The following GAK variants were observed in gnomAD, a reference collection of about 807,000 sequenced individuals.
GAK encodes the protein cyclin-G-associated kinase.
Under a neutral mutation model 143.9 loss-of-function variants are expected in GAK, and 79 were observed. The ratio of observed to expected loss-of-function variants is 0.55; its 90% CI spans 0.46 to 0.66. The LOEUF is 0.66. Ranked by LOEUF, GAK falls within the 30% of genes least tolerant of loss-of-function variation. GAK has a pLI of 0.00. For synonymous variants in GAK, 881 were observed against 765.5 expected (o/e 1.15, Z -2.49); for missense variants, 1,693 against 1,779.7 (o/e 0.95, Z 0.88).
rs1178263108 is a variant in GAK at position 882,548 on chromosome 4, CCA to C, written c.1527+147_1527+148del. ...CATCTGTCATCTGTCCCCTCCAGAC[CCA>C]AAGACACCAAGCACAGGGACTTTCT... On this transcript the variant is annotated intron_variant, in intron 14 of 27. Transcript: ENST00000314167. 17 of 1,046,150 alleles carry C rather than the reference CCA, an allele frequency of 1.6e-5. No individual in the cohort carries two copies. The African/African-American group carries it at 2.5e-4, about 16-fold the overall frequency. The allele number at this position is 1,046,150 out of a possible 1,614,324, so 64.8% of individuals were successfully genotyped here.
chr4:898,161 G>A lies in GAK; in HGVS notation c.526-3C>T, dbSNP rs757315438. 4 of 1,613,792 alleles carry A rather than the reference G, an allele frequency of 2.5e-6. No homozygotes were observed. Among genetic ancestry groups the A allele is most frequent in the East Asian group, 4.5e-5 (2 of 44,888 alleles). On this transcript the variant is annotated splice_polypyrimidine_tract_variant and splice_region_variant and intron_variant, in intron 5 of 27. Transcript: ENST00000314167. ...TTACTAAGCAACAAGTTCTCAACCT[G>A]TAAAATTCCACAAGACAGCCCCGTG...
intron 24 of GAK, among the ~76,000 whole-genome samples, chr4:859,029 T>A (rs931120860): frequency 1.4e-4 from 22 of 152,336 alleles, no homozygotes; most frequent in African/African-American, 4.3e-4. Context: ...CGACGCTTCT[T>A]CTGAGAAGCC....
chr4:857,243 G>T (rs945787840), intron 24 of GAK, among the ~76,000 whole-genome samples: 5 of 152,168 alleles, frequency 3.3e-5, no homozygotes, highest in African/African-American at 1.2e-4. Flanking sequence ...GAGGATCTGT[G>T]TGTATATTCA....
intron 4 of GAK, among the ~76,000 whole-genome samples, chr4:906,397 G>A (rs1413935671): frequency 6.6e-6 from 1 of 152,200 alleles, no homozygotes. Flanking sequence ...GTCCTGCCAT[G>A]GCTGGCACCT....
intron 4 of GAK, 50 bp from the exon 5 acceptor site, chr4:904,829 C>A (rs773896962): frequency 6.3e-7 from 1 of 1,589,498 alleles, no homozygotes; most frequent in Non-Finnish European, 8.6e-7. Flanking sequence ...GGTCCGGAGA[C>A]AGGGAACCTA....
At chr4:923,896 A>G (rs1724273984) in intron 1 of GAK, among the ~76,000 whole-genome samples, 1 of 152,088 alleles carries the variant, frequency 6.6e-6, no homozygotes, top group Non-Finnish European at 1.5e-5. Context: ...TAAAAAATGG[A>G]CAAAAAGGCC....
At chr4:903,563 G>A (rs995712493) in intron 5 of GAK, among the ~76,000 whole-genome samples, 3 of 151,430 alleles carry the variant, frequency 2.0e-5, no homozygotes, top group African/African-American at 7.4e-5. Flanking sequence ...GGAGTTGGGG[G>A]CCTGGGCCAA....
intron 15 of GAK, among the ~76,000 whole-genome samples, chr4:881,089 C>A (rs938353955): frequency 6.6e-6 from 1 of 152,218 alleles, no homozygotes; most frequent in South Asian, 2.1e-4. Flanking sequence ...GGATCCACAG[C>A]AGCAGGAATG....
At chr4:912,409 G>A (rs1047683457) in intron 3 of GAK, 18 of 381,554 alleles carry the variant, frequency 4.7e-5, no homozygotes, top group African/African-American at 8.3e-5. Flanking sequence ...CCAGGTCTCC[G>A]GAGGAGCTGA....
chr4:896,471 G>C lies in GAK; in HGVS notation c.730C>G (p.Gln244Glu). Reference sequence around the variant, plus strand: ...GCGCCAGACCTCACCCAGATATCCTGCTTCTCGCCGATCGGGAAGTTGGAA... The same window carrying C: ...GCGCCAGACCTCACCCAGATATCCTCCTTCTCGCCGATCGGGAAGTTGGAA... ...LYSNFPIGEK[Q>E]DIWALGCILY... Residue 244 changes from glutamine (Q) to glutamate (E), a missense_variant, in exon 7 of 28, where the codon CAG becomes GAG. By Grantham distance (29) the Gln-to-Glu change is conservative (BLOSUM62 2). Around this residue, in one of 2 missense-constraint regions of GAK, gnomAD observed 871 missense variants for 991.0 expected, o/e 0.88. Transcript: ENST00000314167. The C allele has an allele frequency of 6.2e-7, 1 of 1,613,772 alleles. No individual in the cohort carries two copies. Among genetic ancestry groups the C allele is most frequent in the Non-Finnish European group, 8.5e-7 (1 of 1,179,716 alleles).
In GAK at chr4:888,837, T is replaced by G. The variant is rs2279182; in HGVS notation, c.1205+10A>C. 0.1 allele frequency: 166,314 copies of G among 1,597,168 alleles called. 9,695 individuals carry two copies. The highest frequency in any genetic ancestry group is 0.19 in the South Asian group (16,972 of 88,412). On this transcript the variant is annotated intron_variant, in intron 11 of 27. Coordinates refer to ENST00000314167, the MANE Select transcript of GAK (RefSeq NM_005255.4). The stretch of plus-strand genomic sequence containing the variant: ...GCGGCAGGTCCAGGGCTCTGGAGCC[T>G]CACACTCACTTAGCGACGGACTGGA...
rs1711584336 is a variant in GAK at position 868,631 on chromosome 4, G to C, written c.2303C>G (p.Ala768Gly). 3 of 1,572,208 alleles carry C rather than the reference G, an allele frequency of 1.9e-6. No homozygotes were observed. Among genetic ancestry groups the C allele is most frequent in the Non-Finnish European group, 2.6e-6 (3 of 1,159,432 alleles). ...TGTGGGTTCGGCTTCCGGGGACCCTGCCCCAGCATCATACTGAGCCGTGGA... is the reference window on the plus strand; with the variant it reads ...TGTGGGTTCGGCTTCCGGGGACCCTCCCCCAGCATCATACTGAGCCGTGGA... The part of the protein sequence containing the change: ...PGSTAQYDAG[A>G]GSPEAEPTDS... Residue 768 changes from alanine to glycine, a missense_variant, in exon 20 of 28, where the codon GCA (alanine) becomes GGA (glycine). Coordinates refer to ENST00000314167, the MANE Select transcript of GAK (RefSeq NM_005255.4).
chr4:859,785 A>C (rs1319055103), intron 23 of GAK, 63 bp from the exon 24 acceptor site: 2 of 1,198,196 alleles, frequency 1.7e-6, no homozygotes, highest in Non-Finnish European at 2.4e-6. Context: ...TCCTCCTGGG[A>C]CCTCCGATGG....
chr4:893,917 GA>G lies in GAK; in HGVS notation c.833del (p.Ile278ThrfsTer21). 6.2e-7 allele frequency: 1 copy of G among 1,612,342 alleles called. No individual in the cohort carries two copies. The highest frequency in any genetic ancestry group is 8.5e-7 in the Non-Finnish European group (1 of 1,179,384). ...KLRIVNGKYS[I>X]PPHDTQYTVF... ...CCGTGTACTGCGTGTCGTGCGGGGG[GA>G]TCGAGTACTTCCCATTGACTATTCG... On this transcript the variant is annotated frameshift_variant, in exon 8 of 28. Coordinates refer to ENST00000314167, the MANE Select transcript of GAK (RefSeq NM_005255.4). LOFTEE classifies it high-confidence loss of function.
At chr4:899,255 G>A (rs1719391890) in intron 5 of GAK, among the ~76,000 whole-genome samples, 1 of 152,252 alleles carries the variant, frequency 6.6e-6, no homozygotes, top group African/African-American at 2.4e-5. Flanking sequence ...CTCCTTCTGA[G>A]ATAGGGAAGG....
chr4:868,885 T>C, intron 19 of GAK, 200 bp from the exon 20 acceptor site: 1 of 595,922 alleles, frequency 1.7e-6, no homozygotes, highest in Non-Finnish European at 3.0e-6. Flanking sequence ...CTCTGGGCCA[T>C]GCGTGCACAC....
chr4:874,451 C>T (rs928532959), intron 18 of GAK, among the ~76,000 whole-genome samples: 16 of 152,308 alleles, frequency 1.1e-4, no homozygotes, highest in Non-Finnish European at 2.2e-4. Context: ...ACATCCTTAA[C>T]TGGCTTTCAT....
At chr4:912,138 C>T (rs1160031411) in intron 3 of GAK, 2 of 461,376 alleles carry the variant, frequency 4.3e-6, no homozygotes, top group South Asian at 1.5e-5. Flanking sequence ...CCCGAACCCA[C>T]ACTCAGGCAG....
intron 23 of GAK, among the ~76,000 whole-genome samples, chr4:862,635 G>A (rs1240277845): frequency 2.0e-5 from 3 of 151,394 alleles, no homozygotes; most frequent in East Asian, 1.9e-4. Context: ...TCCAGCCTGG[G>A]CGACAAAGAG....
Sources: allele counts gnomAD v4.1 joint callset (sites outside exome capture counted in the v4.1 genomes callset), GRCh38; gene constraint gnomAD v4.1.1; regional missense constraint gnomAD v4.1.1; transcripts MANE v1.5; gene names NCBI Gene and HGNC (gene_info 2026-07-23, HGNC 2026-07-21).